The following ZNF764 variants were observed in gnomAD, a reference collection of about 807,000 sequenced individuals.
ZNF764 encodes the protein zinc finger protein 764.
Under a neutral mutation model 13.9 loss-of-function variants are expected in ZNF764, and 10 were observed. That is an observed-to-expected ratio of 0.72 (90% CI 0.44 to 1.22). The LOEUF is 1.22. Ranked by LOEUF, ZNF764 falls within the 50% of genes most tolerant of loss-of-function variation. The probability of loss-of-function intolerance (pLI) is 0.00; values close to 1 mark genes in which losing one functional copy is unlikely to be tolerated. For synonymous variants in ZNF764, 313 were observed against 255.1 expected, an observed-to-expected ratio of 1.23 and a Z score of -2.16; for missense variants, 647 against 589.7, an observed-to-expected ratio of 1.10 and a Z score of -1.01.
chr16:30,558,308 C>T lies in ZNF764; in HGVS notation c.-126G>A. On this transcript the variant is annotated 5_prime_UTR_variant, in exon 1 of 3. Transcript: ENST00000395091. ...AGGGAAGGAGGGAGGTTACTAGGGC[C>T]CCCGAGGGCGCACTAGAGGGCGTGG... 1.7e-6 allele frequency: 2 copies of T among 1,152,668 alleles called. No homozygotes were observed. Among genetic ancestry groups the T allele is most frequent in the Non-Finnish European group, 2.4e-6 (2 of 842,174 alleles). The allele number at this position is 1,152,668 out of a possible 1,614,324, so 71.4% of individuals were successfully genotyped here.
At chr16:30,557,061 A>G (rs1292862923) in intron 2 of ZNF764, among the ~76,000 whole-genome samples, 2 of 151,900 alleles carry the variant, frequency 1.3e-5, no homozygotes, top group Non-Finnish European at 2.9e-5. Flanking sequence ...AATGGCGTCA[A>G]CCAGGGAGGC....
rs2051555301 is a variant in ZNF764 at position 30,556,195 on chromosome 16, T to A, written c.311-88A>T. 6.7e-6 allele frequency: 10 copies of A among 1,497,100 alleles called. No individual in the cohort carries two copies. In the South Asian group the frequency reaches 1.1e-4, roughly 17 times the overall value. 92.7% of individuals were successfully genotyped at this position (1,497,100 alleles called of 1,614,324 possible). A position where few individuals can be genotyped will look rare whatever the true frequency, so the allele number is the denominator to read the frequency against. On this transcript the variant is annotated intron_variant, in intron 2 of 2. Coordinates refer to ENST00000395091, the MANE Select transcript of ZNF764 (RefSeq NM_001172679.2). ...CCCGCGTGGACAGGGACAGGCCTGC[T>A]GGATCCCCGGCTGCTCCTGGGAGAT... is the stretch of plus-strand genomic sequence containing the variant.
chr16:30,556,862 C>T (rs865838862), intron 2 of ZNF764, among the ~76,000 whole-genome samples: 9 of 152,146 alleles, frequency 5.9e-5, no homozygotes, highest in African/African-American at 1.7e-4. Context: ...ATTGGCTGGG[C>T]GCGGTGGCTC....
At chr16:30,556,312 C>T (rs1309783006) in intron 2 of ZNF764, among the ~76,000 whole-genome samples, 1 of 151,794 alleles carries the variant, frequency 6.6e-6, no homozygotes, top group Non-Finnish European at 1.5e-5. Context: ...GGAAATGTCA[C>T]GGTGGGGGAA....
rs758632863 is a variant in ZNF764 at position 30,555,285 on chromosome 16, C to A, written c.1133G>T (p.Arg378Leu). The change falls in exon 3 of 3, where the codon CGT becomes CTT. Residue 378 changes from arginine (R) to leucine (L), a missense_variant. Coordinates refer to ENST00000395091, the MANE Select transcript of ZNF764 (RefSeq NM_001172679.2). Reference protein sequence around the residue: ...AGGHRGRVAGRLSVTLTPGHG... With the variant: ...AGGHRGRVAGLLSVTLTPGHG... ...GCCAGGGGTCAGGGTCACAGACAGA[C>A]GCCCGGCGACCCGGCCCCTGTGGCC... 8.7e-6 allele frequency: 14 copies of A among 1,612,260 alleles called. No homozygotes were observed. Among genetic ancestry groups the A allele is most frequent in the Non-Finnish European group, 1.1e-5 (13 of 1,179,388 alleles).
chr16:30,556,128 G>C (rs1469666656), intron 2 of ZNF764, 21 bp from the exon 3 acceptor site: 1 of 1,608,546 alleles, frequency 6.2e-7, no homozygotes, highest in Admixed American at 1.7e-5. Context: ...ATAAAGAGGG[G>C]AGAGTTCAGG....
Position 30,554,981 on chromosome 16 carries a change from T to C in ZNF764, c.*213A>G. 1 of 569,434 alleles carries C rather than the reference T, an allele frequency of 1.8e-6. No individual in the cohort carries two copies. Among genetic ancestry groups the C allele is most frequent in the Non-Finnish European group, 3.0e-6 (1 of 338,154 alleles). The allele number at this position is 569,434 out of a possible 1,614,324, so 35.3% of individuals were successfully genotyped here. On this transcript the variant is annotated 3_prime_UTR_variant, in exon 3 of 3. Transcript: ENST00000395091. Reference sequence around the variant, plus strand: ...GGTCTGGGGGTTCTCAACTCAGCCCTGCCTCAGTAGAGGGGGCCTTGGAGA... The same window carrying C: ...GGTCTGGGGGTTCTCAACTCAGCCCCGCCTCAGTAGAGGGGGCCTTGGAGA...
In ZNF764 at chr16:30,558,097, G is replaced by T. The variant is rs1408247358; in HGVS notation, c.86C>A (p.Ala29Glu). 5.0e-6 allele frequency: 8 copies of T among 1,610,592 alleles called. No homozygotes were observed. Among genetic ancestry groups the T allele is most frequent in the Non-Finnish European group, 5.9e-6 (7 of 1,179,218 alleles). ...CCGGCAGAAGTACACGGCCACGTCCGCGAAGCTCACAGCCCCCGGCTCCCT... is the reference window on the plus strand; with the variant it reads ...CCGGCAGAAGTACACGGCCACGTCCTCGAAGCTCACAGCCCCCGGCTCCCT... ...EWREPGAVSF[A>E]DVAVYFCREE... The change falls in exon 1 of 3, where the codon GCG becomes GAG. Residue 29 changes from alanine (A) to glutamate (E), a missense_variant. By Grantham distance (107) the Ala-to-Glu change is moderately radical. Coordinates refer to ENST00000395091, the MANE Select transcript of ZNF764 (RefSeq NM_001172679.2).
chr16:30,555,300 C>T lies in ZNF764; in HGVS notation c.1118G>A (p.Gly373Asp). The T allele has an allele frequency of 6.2e-7, 1 of 1,610,994 alleles. No homozygotes were observed. Among genetic ancestry groups the T allele is most frequent in the South Asian group, 1.1e-5 (1 of 90,858 alleles). ...VHRPGAGGHRGRVAGRLSVTL... is the reference protein window; with the variant it reads ...VHRPGAGGHRDRVAGRLSVTL... Reference sequence around the variant, plus strand: ...CACAGACAGACGCCCGGCGACCCGGCCCCTGTGGCCCCCGGCCCCGGGCCG... The same window carrying T: ...CACAGACAGACGCCCGGCGACCCGGTCCCTGTGGCCCCCGGCCCCGGGCCG... Residue 373 changes from glycine to aspartate, a missense_variant, in exon 3 of 3, where the codon GGC (glycine) becomes GAC (aspartate). By Grantham distance (94) the Gly-to-Asp change is moderately conservative. Transcript: ENST00000395091.
chr16:30,558,293 G>A lies in ZNF764; in HGVS notation c.-111C>T. 7.5e-7 allele frequency: 1 copy of A among 1,338,154 alleles called. No individual in the cohort carries two copies. Among genetic ancestry groups the A allele is most frequent in the South Asian group, 1.5e-5 (1 of 65,972 alleles). The allele number at this position is 1,338,154 out of a possible 1,614,324, so 82.9% of individuals were successfully genotyped here. ...CCCGGCCCGGGCCCAAGGGAAGGAG[G>A]GAGGTTACTAGGGCCCCCGAGGGCG... is the stretch of plus-strand genomic sequence containing the variant. On this transcript the variant is annotated 5_prime_UTR_variant, in exon 1 of 3. Coordinates refer to ENST00000395091, the MANE Select transcript of ZNF764 (RefSeq NM_001172679.2).
rs1215451646 is a variant in ZNF764 at position 30,553,925 on chromosome 16, G to A, written c.*1269C>T. The A allele has an allele frequency of 6.6e-6, 1 of 152,256 alleles. No homozygotes were observed. The highest frequency in any genetic ancestry group is 1.5e-5 in the Non-Finnish European group (1 of 68,050). 9.4% of individuals were successfully genotyped at this position (152,256 alleles called of 1,614,324 possible). On this transcript the variant is annotated 3_prime_UTR_variant, in exon 3 of 3. Coordinates refer to ENST00000395091, the MANE Select transcript of ZNF764 (RefSeq NM_001172679.2). ...CCAGATGGAAAGGCCTATTTGGACAGAGACATGGGTCTAAGAAATACTTCC... is the reference window on the plus strand; with the variant it reads ...CCAGATGGAAAGGCCTATTTGGACAAAGACATGGGTCTAAGAAATACTTCC...
chr16:30,555,302 CCT>C lies in ZNF764; in HGVS notation c.1114_1115del (p.Arg372GlyfsTer44). On this transcript the variant is annotated frameshift_variant, in exon 3 of 3. Coordinates refer to ENST00000395091, the MANE Select transcript of ZNF764 (RefSeq NM_001172679.2). LOFTEE classifies it low-confidence loss of function (END_TRUNC). ...WVHRPGAGGH[R>X]GRVAGRLSVT... ...CAGACAGACGCCCGGCGACCCGGCC[CCT>C]GTGGCCCCCGGCCCCGGGCCGATGA... The C allele has an allele frequency of 6.2e-7, 1 of 1,611,078 alleles. No individual in the cohort carries two copies. Among genetic ancestry groups the C allele is most frequent in the Non-Finnish European group, 8.5e-7 (1 of 1,178,834 alleles).
chr16:30,558,096 C>G lies in ZNF764; in HGVS notation c.87G>C (p.Ala29=), dbSNP rs770964024. The G allele has an allele frequency of 1.3e-5, 21 of 1,610,818 alleles. No individual in the cohort carries two copies. Among genetic ancestry groups the G allele is most frequent in the Non-Finnish European group, 1.8e-5 (21 of 1,179,280 alleles). Reference sequence around the variant, plus strand: ...CCCGGCAGAAGTACACGGCCACGTCCGCGAAGCTCACAGCCCCCGGCTCCC... The same window carrying G: ...CCCGGCAGAAGTACACGGCCACGTCGGCGAAGCTCACAGCCCCCGGCTCCC... The part of the protein sequence containing the change: ...EWREPGAVSF[A]DVAVYFCREE... The change falls in exon 1 of 3, where the codon GCG becomes GCC. Residue 29 remains alanine, a synonymous_variant. Coordinates refer to ENST00000395091, the MANE Select transcript of ZNF764 (RefSeq NM_001172679.2).
chr16:30,556,152 G>A, intron 2 of ZNF764, 45 bp from the exon 3 acceptor site: 2 of 1,603,486 alleles, frequency 1.2e-6, no homozygotes, highest in Non-Finnish European at 1.7e-6. Context: ...GGCTCATCCT[G>A]GTCCTTGAAT....
Position 30,558,005 on chromosome 16 carries a change from C to T in ZNF764, c.178G>A (p.Gly60Ser), listed in dbSNP as rs779493932. ...CTCTCACCGAGAGCGCTCAGGTGGC[C>T]GTAGGTCTCCCGCATCACGTCCCGG... ...LYRDVMRETY[G>S]HLSALGIGGN... The change falls in exon 1 of 3, where the codon GGC becomes AGC. Residue 60 changes from glycine (G) to serine (S), a missense_variant. Gly to Ser is a moderately conservative substitution (Grantham distance 56). Transcript: ENST00000395091. 8.1e-6 allele frequency: 13 copies of T among 1,606,814 alleles called. No individual in the cohort carries two copies. The highest frequency in any genetic ancestry group is 2.7e-5 in the African/African-American group (2 of 74,726).
In ZNF764 at chr16:30,555,970, G is replaced by T; in HGVS notation, c.448C>A (p.Leu150Met). The change falls in exon 3 of 3, where the codon CTG becomes ATG. Residue 150 changes from leucine (L) to methionine (M), a missense_variant. By Grantham distance (15) the Leu-to-Met change is conservative. Transcript: ENST00000395091. Reference sequence around the variant, plus strand: ...CGTCCCCGGTGCGGTGCCTTGGACAGCTGCTCCCAACCATAAGGGGGCCCG... The same window carrying T: ...CGTCCCCGGTGCGGTGCCTTGGACATCTGCTCCCAACCATAAGGGGGCCCG... ...SAGPPYGWEQ[L>M]SKAPHRGRPS... 3.7e-6 allele frequency: 6 copies of T among 1,612,060 alleles called. No individual in the cohort carries two copies. The highest frequency in any genetic ancestry group is 4.2e-6 in the Non-Finnish European group (5 of 1,179,922).
rs2051527191 is a variant in ZNF764, at chr16:30,553,942, A to AAT, written c.*1250_*1251dup. On this transcript the variant is annotated 3_prime_UTR_variant, in exon 3 of 3. Coordinates refer to ENST00000395091, the MANE Select transcript of ZNF764 (RefSeq NM_001172679.2). ...TTTGGACAGAGACATGGGTCTAAGA[A>AAT]ATACTTCCCTTTCTTCTTCGCTGTA... is the stretch of plus-strand genomic sequence containing the variant. 6.6e-6 allele frequency: 1 copy of AAT among 152,242 alleles called. No individual in the cohort carries two copies. The highest frequency in any genetic ancestry group is 1.5e-5 in the Non-Finnish European group (1 of 68,044). 9.4% of individuals were successfully genotyped at this position (152,242 alleles called of 1,614,324 possible).
At position 30,555,052 on chromosome 16, in the gene ZNF764, G is replaced by A; in HGVS notation, c.*142C>T. 2.0e-6 allele frequency: 2 copies of A among 985,292 alleles called. No individual in the cohort carries two copies. Among genetic ancestry groups the A allele is most frequent in the Non-Finnish European group, 2.9e-6 (2 of 687,808 alleles). The allele number at this position is 985,292 out of a possible 1,614,324, so 61.0% of individuals were successfully genotyped here. A position where few individuals can be genotyped will look rare whatever the true frequency, so the allele number is the denominator to read the frequency against. ...AGGTGCTGGCAGAGGAGGCTGCTAA[G>A]GGCCCAAGATCAGACTGTCCGCACC... On this transcript the variant is annotated 3_prime_UTR_variant, in exon 3 of 3. Transcript: ENST00000395091.
rs1031463907 is a variant in ZNF764, at chr16:30,555,123, G to A, written c.*71C>T. On this transcript the variant is annotated 3_prime_UTR_variant, in exon 3 of 3. Transcript: ENST00000395091. ...AGATTCTGGGACCTCCCTGCAGGCC[G>A]CCGCAGAGGTTCGGGCCCCTGAGCC... 7 of 1,505,702 alleles carry A rather than the reference G, an allele frequency of 4.6e-6. No individual in the cohort carries two copies. In the South Asian group the frequency reaches 6.6e-5, roughly 14 times the overall value. The allele number at this position is 1,505,702 out of a possible 1,614,324, so 93.3% of individuals were successfully genotyped here.
Sources: gnomAD v4.1 joint callset for allele counts (sites outside exome capture counted in the v4.1 genomes callset) on GRCh38, gnomAD v4.1.1 for gene constraint, MANE v1.5 for transcripts, NCBI Gene and HGNC (gene_info 2026-07-23, HGNC 2026-07-21) for gene names.